DLG2: variants seen among roughly 807,000 people sequenced by gnomAD.
DLG2 encodes disks large homolog 2.
In DLG2, 45 loss-of-function variants were observed where a neutral mutation model predicts 132.5. That is an observed-to-expected ratio of 0.34 (90% CI 0.27 to 0.44). DLG2 has a LOEUF of 0.44. Among genes scored for constraint, DLG2 ranks in the 20% least tolerant of loss-of-function variants. DLG2 has a pLI of 1.00. For synonymous variants in DLG2, 424 were observed against 419.6 expected, an observed-to-expected ratio of 1.01 and a Z score of -0.13; for missense variants, 1,045 against 1,196.9, an observed-to-expected ratio of 0.87 and a Z score of 1.87.
At chr11:85,027,812 C>G (rs974255701) in intron 6 of DLG2, among the ~76,000 whole-genome samples, 2 of 152,196 alleles carry the variant, frequency 1.3e-5, no homozygotes, top group African/African-American at 4.8e-5. Flanking sequence ...GTGTCACAGC[C>G]CTGGCTTGGG....
At chr11:85,127,115 T>C (rs2075202524) in intron 5 of DLG2, among the ~76,000 whole-genome samples, 1 of 152,136 alleles carries the variant, frequency 6.6e-6, no homozygotes, top group African/African-American at 2.4e-5. Flanking sequence ...CTTCATGATA[T>C]TTGTGACAGG....
intron 6 of DLG2, among the ~76,000 whole-genome samples, chr11:84,924,818 A>G (rs1186305319): frequency 1.3e-5 from 2 of 152,170 alleles, no homozygotes; most frequent in African/African-American, 2.4e-5. Context: ...TACAAATTAT[A>G]AGCACTTACA....
chr11:83,577,302 T>A (rs1358958599), intron 19 of DLG2, among the ~76,000 whole-genome samples: 1 of 150,886 alleles, frequency 6.6e-6, no homozygotes, highest in Admixed American at 6.7e-5. Flanking sequence ...TAATAAACAA[T>A]AGAATATATA....
intron 15 of DLG2, among the ~76,000 whole-genome samples, chr11:83,890,960 A>G (rs2069638438): frequency 6.6e-6 from 1 of 152,168 alleles, no homozygotes. Flanking sequence ...TTATACTGAG[A>G]AAGGAATATA....
chr11:84,875,840 C>T (rs896389960), intron 6 of DLG2, among the ~76,000 whole-genome samples: 8 of 152,022 alleles, frequency 5.3e-5, no homozygotes, highest in Non-Finnish European at 1.5e-5. Context: ...CAGGTTCAAG[C>T]GATTCTTCTG....
At chr11:83,767,764 A>C (rs1030995961) in intron 18 of DLG2, among the ~76,000 whole-genome samples, 51 of 151,946 alleles carry the variant, frequency 3.4e-4, no homozygotes, top group African/African-American at 1.2e-3. Context: ...TTTTTTTTTC[A>C]TTATTTTAGT....
rs543025326 is a variant in DLG2, at chr11:84,194,099, C to T, written c.574-30588G>A. On this transcript the variant is annotated intron_variant, in intron 8 of 27. Coordinates refer to ENST00000376104, the MANE Select transcript of DLG2 (RefSeq NM_001142699.3). ...AAAACTAATACAGGGTTGAAGCCAA[C>T]TTAATCTGGATGGGGAATCAATCTT... is the stretch of plus-strand genomic sequence containing the variant. Among the ~76,000 whole-genome samples, 55 of 152,338 alleles carry T rather than the reference C, an allele frequency of 3.6e-4. 1 individual carries two copies. In the Middle Eastern group the frequency reaches 0.014, roughly 38 times the overall value.
rs182318485 is a variant in DLG2 at position 83,826,928 on chromosome 11, C to G, written c.1722+6686G>C. ...CTGAGATGTGGAGATGAGACTTGTC[C>G]CTAACACTGCATAGGCCCCAGATCC... On this transcript the variant is annotated intron_variant, in intron 17 of 27. Transcript: ENST00000376104. Among the ~76,000 whole-genome samples the G allele has an allele frequency of 3.4e-3, 518 of 152,142 alleles. 3 individuals carry two copies. Among genetic ancestry groups the G allele is most frequent in the South Asian group, 0.013 (64 of 4,810 alleles).
At chr11:85,512,600 TC>T (rs1473310913) in intron 3 of DLG2, among the ~76,000 whole-genome samples, 1 of 152,064 alleles carries the variant, frequency 6.6e-6, no homozygotes, top group Non-Finnish European at 1.5e-5. Flanking sequence ...TAAATCAGTC[TC>T]CTAGCCAGGT....
chr11:85,302,563 G>A (rs1332016640), intron 3 of DLG2, among the ~76,000 whole-genome samples: 3 of 151,452 alleles, frequency 2.0e-5, no homozygotes, highest in African/African-American at 7.3e-5. Context: ...TGGGCCAGTA[G>A]GTATGAAATG....
intron 3 of DLG2, among the ~76,000 whole-genome samples, chr11:85,287,824 T>C (rs1444451965): frequency 2.0e-5 from 3 of 152,080 alleles, no homozygotes; most frequent in African/African-American, 7.2e-5. Context: ...AATGATAATA[T>C]CATGAAACTA....
intron 2 of DLG2, among the ~76,000 whole-genome samples, chr11:85,602,057 C>A (rs1000633145): frequency 6.6e-6 from 1 of 152,198 alleles, no homozygotes; most frequent in Admixed American, 6.5e-5. Context: ...GTCTAATAAG[C>A]ATCTCAAACT....
At chr11:84,962,792 A>G (rs1226534190) in intron 6 of DLG2, among the ~76,000 whole-genome samples, 1 of 152,246 alleles carries the variant, frequency 6.6e-6, no homozygotes, top group Non-Finnish European at 1.5e-5. Flanking sequence ...AATGTGGGAA[A>G]GCTAGCTAAA....
At chr11:85,425,950 T>G (rs553897052) in intron 3 of DLG2, among the ~76,000 whole-genome samples, 1 of 152,304 alleles carries the variant, frequency 6.6e-6, no homozygotes, top group South Asian at 2.1e-4. Flanking sequence ...AATACTGTGC[T>G]TTTCCAACGG....
chr11:84,954,628 C>A (rs1332543737), intron 6 of DLG2, among the ~76,000 whole-genome samples: 1 of 152,176 alleles, frequency 6.6e-6, no homozygotes, highest in Non-Finnish European at 1.5e-5. Context: ...TGGCCGCAAT[C>A]CCATCAGACA....
At chr11:85,158,281 G>A (rs2077740941) in intron 4 of DLG2, among the ~76,000 whole-genome samples, 1 of 152,146 alleles carries the variant, frequency 6.6e-6, no homozygotes, top group Non-Finnish European at 1.5e-5. Context: ...CCACTAAGTA[G>A]GGACTCTGCA....
chr11:84,554,999 C>G (rs2099409219), intron 6 of DLG2, among the ~76,000 whole-genome samples: 1 of 151,958 alleles, frequency 6.6e-6, no homozygotes, highest in African/African-American at 2.4e-5. Flanking sequence ...ATTGACACGG[C>G]TTTCTGAAGA....
intron 6 of DLG2, among the ~76,000 whole-genome samples, chr11:84,919,603 T>C (rs773048915): frequency 1.3e-5 from 2 of 152,164 alleles, no homozygotes; most frequent in Non-Finnish European, 2.9e-5. Context: ...TTACCTGTGC[T>C]ATAGGTCTAA....
intron 6 of DLG2, among the ~76,000 whole-genome samples, chr11:84,784,353 TA>T (rs1555220679): frequency 1.1e-3 from 161 of 148,172 alleles, no homozygotes; most frequent in African/African-American, 2.8e-3. Flanking sequence ...AATAAATAAA[TA>T]AATAAATAAA....
Sources: gnomAD v4.1 joint callset for allele counts (sites outside exome capture counted in the v4.1 genomes callset) on GRCh38, gnomAD v4.1.1 for gene constraint, MANE v1.5 for transcripts, NCBI Gene and HGNC (gene_info 2026-07-23, HGNC 2026-07-21) for gene names.